ANK3: variants seen among roughly 807,000 people sequenced by gnomAD.
The protein encoded by ANK3 is ankyrin-3.
Under a neutral mutation model 370.9 loss-of-function variants are expected in ANK3, and 57 were observed. The ratio of observed to expected loss-of-function variants is 0.15; its 90% CI spans 0.12 to 0.19. The LOEUF is 0.19. ANK3 is among the 10% of genes least tolerant of loss of function. The pLI is 1.00. For synonymous variants in ANK3, 1,929 were observed against 1,946.3 expected, an observed-to-expected ratio of 0.99 and a Z score of 0.23; for missense variants, 4,439 against 5,302.1, an observed-to-expected ratio of 0.84 and a Z score of 5.06.
intron 1 of ANK3, among the ~76,000 whole-genome samples, chr10:60,349,358 C>G (rs903952918): frequency 6.6e-6 from 1 of 152,246 alleles, no homozygotes; most frequent in East Asian, 1.9e-4. Flanking sequence ...TGTTATAGCT[C>G]TGGCAGGAAA....
intron 7 of ANK3, among the ~76,000 whole-genome samples, chr10:60,241,611 T>C (rs2097459670): frequency 6.6e-6 from 1 of 152,194 alleles, no homozygotes; most frequent in Admixed American, 6.5e-5. Flanking sequence ...CTAAACTCTT[T>C]GGGTTTATTT....
In ANK3 at chr10:60,382,832, T is replaced by C. The variant is rs543551733; in HGVS notation, c.114+6593A>G. 3.6e-3 allele frequency among the ~76,000 whole-genome samples: 538 copies of C among 148,406 alleles called. 2 individuals carry two copies. The highest frequency in any genetic ancestry group is 0.014 in the Middle Eastern group (4 of 284). ...ATATATATATATATATATATGCCAA[T>C]GCTTTTATTGTTTTTTCAGTAAATG... On this transcript the variant is annotated intron_variant, in intron 1 of 43. Transcript: ENST00000280772.
intron 2 of ANK3, among the ~76,000 whole-genome samples, chr10:60,463,243 G>T (rs1452514632): frequency 6.6e-6 from 1 of 152,066 alleles, no homozygotes; most frequent in East Asian, 1.9e-4. Flanking sequence ...TTCCTCTTTT[G>T]GACTTGTTCC....
intron 2 of ANK3, among the ~76,000 whole-genome samples, chr10:60,552,109 C>T (rs775064703): frequency 3.9e-5 from 6 of 152,150 alleles, no homozygotes; most frequent in Admixed American, 2.0e-4. Context: ...TTCATCAAGG[C>T]GGCCGCCTGG....
intron 26 of ANK3, among the ~76,000 whole-genome samples, chr10:60,109,469 T>G (rs529355704): frequency 2.4e-4 from 36 of 152,320 alleles, no homozygotes; most frequent in Non-Finnish European, 4.3e-4. Context: ...CTCTTACAAG[T>G]AAGATGAAAC....
chr10:60,125,170 G>A (rs4403761), intron 25 of ANK3, among the ~76,000 whole-genome samples: 105,718 of 151,970 alleles, frequency 0.7, 37,521 homozygotes, highest in East Asian at 0.93. Flanking sequence ...TTTCCCTTAC[G>A]GTATTTATTT....
intron 2 of ANK3, among the ~76,000 whole-genome samples, chr10:60,478,146 G>C (rs1346290619): frequency 6.6e-6 from 1 of 151,946 alleles, no homozygotes; most frequent in Non-Finnish European, 1.5e-5. Context: ...TTTATAATAA[G>C]AGGTTCTCCA....
rs751145501 is a variant in ANK3, at chr10:60,572,568, C to T, written c.96+42618G>A. On this transcript the variant is annotated intron_variant, in intron 2 of 43. Coordinates refer to the ANK3 transcript ENST00000373827. ...GGTGAGTTTATAAAAGACAGATCAC[C>T]GCCGGTATTCCAACATCCAAAACCA... 5.3e-5 allele frequency: 81 copies of T among 1,529,950 alleles called. No homozygotes were observed. In the Admixed American group the frequency reaches 5.4e-4, roughly 10 times the overall value. The allele number at this position is 1,529,950 out of a possible 1,614,324, so 94.8% of individuals were successfully genotyped here. A position where few individuals can be genotyped will look rare whatever the true frequency, so the allele number is the denominator to read the frequency against.
At chr10:60,717,553 T>C (rs1222505588) in intron 1 of ANK3, among the ~76,000 whole-genome samples, 1 of 152,192 alleles carries the variant, frequency 6.6e-6, no homozygotes, top group African/African-American at 2.4e-5. Context: ...AGCATAATAA[T>C]AAAAAGAACT....
intron 2 of ANK3, among the ~76,000 whole-genome samples, chr10:60,488,297 A>G (rs533805431): frequency 4.6e-5 from 7 of 152,314 alleles, no homozygotes; most frequent in Non-Finnish European, 8.8e-5. Context: ...TGCTTGGACA[A>G]GTTTACACAT....
intron 1 of ANK3, among the ~76,000 whole-genome samples, chr10:60,635,105 C>T (rs1040044743): frequency 6.6e-6 from 1 of 152,144 alleles, no homozygotes; most frequent in African/African-American, 2.4e-5. Flanking sequence ...TGGGAGCTCA[C>T]GCATTTCTAA....
At chr10:60,039,195 G>T (rs1479538438) in intron 43 of ANK3, among the ~76,000 whole-genome samples, 1 of 152,184 alleles carries the variant, frequency 6.6e-6, no homozygotes, top group African/African-American at 2.4e-5. Flanking sequence ...AAATGAAATG[G>T]GTTAACTTTT....
intron 7 of ANK3, among the ~76,000 whole-genome samples, chr10:60,254,470 A>G (rs1031408129): frequency 7.2e-5 from 11 of 152,132 alleles, no homozygotes; most frequent in Admixed American, 2.0e-4. Context: ...TGTCCTTTCT[A>G]GCATCTTCTG....
chr10:60,163,078 C>T (rs1391564662), intron 23 of ANK3, among the ~76,000 whole-genome samples: 1 of 152,094 alleles, frequency 6.6e-6, no homozygotes, highest in Non-Finnish European at 1.5e-5. Context: ...TCAATTTTCC[C>T]TCTTTTTCTT....
chr10:60,152,511 A>G (rs1284946447), intron 23 of ANK3, among the ~76,000 whole-genome samples: 1 of 152,192 alleles, frequency 6.6e-6, no homozygotes, highest in Non-Finnish European at 1.5e-5. Flanking sequence ...TGAAAGGAGA[A>G]TGGAAAGGGG....
chr10:60,254,404 T>C (rs543330399), intron 7 of ANK3, among the ~76,000 whole-genome samples: 1 of 152,126 alleles, frequency 6.6e-6, no homozygotes, highest in East Asian at 1.9e-4. Flanking sequence ...CCATCAGGAG[T>C]TTGCCACACT....
intron 7 of ANK3, among the ~76,000 whole-genome samples, chr10:60,240,058 C>CT (rs2097406816): frequency 3.0e-5 from 2 of 66,396 alleles, no homozygotes; most frequent in African/African-American, 4.3e-5. Context: ...CATATATACA[C>CT]ATATATACAT....
At chr10:60,207,753 C>T (rs1008338834) in intron 10 of ANK3, among the ~76,000 whole-genome samples, 1 of 152,144 alleles carries the variant, frequency 6.6e-6, no homozygotes, top group Non-Finnish European at 1.5e-5. Flanking sequence ...AATAAGACGA[C>T]GTTGGCCACC....
At position 60,196,558 on chromosome 10, in the gene ANK3, T is replaced by C. The variant is rs374384073; in HGVS notation, c.1757A>G (p.Gln586Arg). 1 of 1,613,546 alleles carries C rather than the reference T, an allele frequency of 6.2e-7. No individual in the cohort carries two copies. The highest frequency in any genetic ancestry group is 8.5e-7 in the Non-Finnish European group (1 of 1,179,860). ...GKLEVANLLL[Q>R]KSASPDAAGK... ...AGCAGCATCTGGAGATGCACTTTTC[T>C]GTAGCAGGAGATTGGCGACTTCAAG... is the stretch of plus-strand genomic sequence containing the variant. Residue 586 changes from glutamine to arginine, a missense_variant, in exon 15 of 44, where the codon CAG (glutamine) becomes CGG (arginine). By Grantham distance (43) the Gln-to-Arg change is conservative. This residue lies in a region of ANK3 where 192 missense variants were observed against 192.1 expected (regional missense o/e 1.00). Coordinates refer to ENST00000280772, the MANE Select transcript of ANK3 (RefSeq NM_020987.5).
Sources: allele counts gnomAD v4.1 joint callset (sites outside exome capture counted in the v4.1 genomes callset), GRCh38; gene constraint gnomAD v4.1.1; regional missense constraint gnomAD v4.1.1; transcripts MANE v1.5; gene names NCBI Gene and HGNC (gene_info 2026-07-23, HGNC 2026-07-21).